The following MTOR variants were observed in gnomAD, a reference collection of about 807,000 sequenced individuals.
MTOR encodes the protein mechanistic target of rapamycin kinase.
A neutral mutation model predicts 319.8 loss-of-function variants in MTOR; 70 were observed. That is an observed-to-expected ratio of 0.22 (90% CI 0.18 to 0.27). The LOEUF (loss-of-function observed/expected upper bound fraction) is 0.27. MTOR is among the 10% of genes least tolerant of loss of function. The probability of loss-of-function intolerance (pLI) is 1.00; values close to 1 mark genes in which losing one functional copy is unlikely to be tolerated. For missense variants in MTOR, 1,890 were observed against 3,274.4 expected, an observed-to-expected ratio of 0.58 and a Z score of 10.32; for synonymous variants, 1,183 against 1,211.4, an observed-to-expected ratio of 0.98 and a Z score of 0.49.
At chr1:11,144,619 G>T (rs752432306) in intron 34 of MTOR, 29 bp downstream of exon 34, 1 of 1,605,168 alleles carries the variant, frequency 6.2e-7, no homozygotes, top group South Asian at 1.1e-5. Flanking sequence ...GGGGTAGGTG[G>T]GTGAACTGGG....
At chr1:11,215,779 AAC>A (rs1174058915) in intron 20 of MTOR, among the ~76,000 whole-genome samples, 1 of 152,182 alleles carries the variant, frequency 6.6e-6, no homozygotes, top group Non-Finnish European at 1.5e-5. Context: ...GCCCTAAGAA[AAC>A]CCAATCCCTT....
At chr1:11,257,208 C>T (rs1383489037) in intron 3 of MTOR, 43 bp from the exon 4 acceptor site, 1 of 1,534,490 alleles carries the variant, frequency 6.5e-7, no homozygotes. Flanking sequence ...GGGGCGTATG[C>T]TGGCCAGGAA....
At chr1:11,260,790 ATTT>A (rs34219246) in intron 1 of MTOR, among the ~76,000 whole-genome samples, 6 of 134,810 alleles carry the variant, frequency 4.5e-5, no homozygotes, top group Admixed American at 1.5e-4. Flanking sequence ...TGGACTAGTC[ATTT>A]TTTTTTTTTT....
intron 19 of MTOR, among the ~76,000 whole-genome samples, chr1:11,221,740 C>CTA (rs879459539): frequency 6.9e-6 from 1 of 145,494 alleles, no homozygotes; most frequent in African/African-American, 2.6e-5. Context: ...TATATATATT[C>CTA]TATATATATA....
chr1:11,242,153 C>G (rs1216833861), intron 9 of MTOR, among the ~76,000 whole-genome samples: 8 of 152,104 alleles, frequency 5.3e-5, no homozygotes, highest in South Asian at 2.1e-4. Flanking sequence ...CACCTGAGGT[C>G]AGGAGTTCGA....
At chr1:11,241,739 C>G (rs1264277156) in intron 9 of MTOR, 58 bp from the exon 10 acceptor site, 1 of 1,568,588 alleles carries the variant, frequency 6.4e-7, no homozygotes, top group African/African-American at 1.3e-5. Flanking sequence ...AATGTCCCAC[C>G]TCAAAATCAC....
At chr1:11,233,228 T>C in intron 15 of MTOR, 170 bp downstream of exon 15, 3 of 817,918 alleles carry the variant, frequency 3.7e-6, no homozygotes, top group Non-Finnish European at 6.0e-6. Flanking sequence ...CATGTTTTAT[T>C]GAGAATATAT....
chr1:11,214,620 G>C (rs1006960882), intron 20 of MTOR, among the ~76,000 whole-genome samples: 1 of 152,150 alleles, frequency 6.6e-6, no homozygotes, highest in Non-Finnish European at 1.5e-5. Context: ...TTTATAAAAA[G>C]ATATAGTATT....
At chr1:11,213,699 C>T (rs1228486741) in intron 20 of MTOR, 133 bp from the exon 21 acceptor site, 1 of 775,300 alleles carries the variant, frequency 1.3e-6, no homozygotes, top group Admixed American at 2.6e-5. Flanking sequence ...CCTCACTCCC[C>T]TCCTCCCACT....
In MTOR at chr1:11,133,492, T is replaced by C. The variant is rs1643259437; in HGVS notation, c.5247-295A>G. ...ACTTACCTACCCCAAACCCAATTTT[T>C]TGTGGGTGACAGTTGAGAGTTACTT... On this transcript the variant is annotated intron_variant, in intron 37 of 57. Coordinates refer to ENST00000361445, the MANE Select transcript of MTOR (RefSeq NM_004958.4). The surrounding 1 kb of genome is among the most constrained non-coding windows in gnomAD (Gnocchi z 4.0). 1.3e-4 allele frequency among the ~76,000 whole-genome samples: 1 copy of C among 7,934 alleles called. No individual in the cohort carries two copies. Among genetic ancestry groups the C allele is most frequent in the Non-Finnish European group, 3.2e-4 (1 of 3,108 alleles). The allele number at this position is 7,934 out of a possible 152,430, so 5.2% of individuals were successfully genotyped here.
In MTOR at chr1:11,230,956, G is replaced by A. The variant is rs962362163; in HGVS notation, c.2748C>T (p.Ser916=). 1.1e-5 allele frequency: 18 copies of A among 1,613,954 alleles called. No homozygotes were observed. Among genetic ancestry groups the A allele is most frequent in the Non-Finnish European group, 1.5e-5 (18 of 1,180,028 alleles). Residue 916 remains serine (S), a synonymous_variant, in exon 18 of 58, where the codon AGC becomes AGT. Transcript: ENST00000361445. ...IDQSRDASAV[S]LSESKSSQDS... is the part of the protein sequence containing the mutation. ...CCTGACTTGACTTGGATTCTGACAG[G>A]CTGACAGCAGAGGCATCCCGGGACT...
chr1:11,130,398 A>G, intron 39 of MTOR, 131 bp downstream of exon 39: 1 of 1,384,716 alleles, frequency 7.2e-7, no homozygotes, highest in Non-Finnish European at 9.8e-7. Context: ...GATGGTAGAT[A>G]GGCAGTATTT....
chr1:11,204,831 A>G (rs546604076), intron 25 of MTOR, 128 bp from the exon 26 acceptor site: 2 of 1,103,688 alleles, frequency 1.8e-6, no homozygotes, highest in South Asian at 3.3e-5. Flanking sequence ...AAATTCCCCT[A>G]GAGTACAAAT....
Position 11,257,013 on chromosome 1 carries a change from C to T in MTOR, c.424G>A (p.Ala142Thr), listed in dbSNP as rs766996808. Residue 142 changes from alanine (A) to threonine (T), a missense_variant, in exon 4 of 58, where the codon GCT (alanine) becomes ACT (threonine). Transcript: ENST00000361445. ...TTCACCTCAAATTCCACGTACTCAG[C>T]GGTAAAAGTGTCCCCTGCCATGGCA... ...RLAMAGDTFT[A>T]EYVEFEVKRA... The T allele has an allele frequency of 1.2e-6, 2 of 1,614,064 alleles. No individual in the cohort carries two copies. Among genetic ancestry groups the T allele is most frequent in the Non-Finnish European group, 1.7e-6 (2 of 1,179,992 alleles).
At chr1:11,184,604 G>A (rs1352065035) in intron 28 of MTOR, among the ~76,000 whole-genome samples, 1 of 152,046 alleles carries the variant, frequency 6.6e-6, no homozygotes, top group African/African-American at 2.4e-5. Flanking sequence ...GTTGGTGTGC[G>A]CTTGTATTCC....
At chr1:11,247,420 T>C (rs1441905422) in intron 8 of MTOR, among the ~76,000 whole-genome samples, 1 of 152,226 alleles carries the variant, frequency 6.6e-6, no homozygotes, top group Admixed American at 6.5e-5. Flanking sequence ...GGCCATAGAA[T>C]TGCCTCTCTG....
At chr1:11,217,970 T>C (rs932041526) in intron 19 of MTOR, among the ~76,000 whole-genome samples, 2 of 152,150 alleles carry the variant, frequency 1.3e-5, no homozygotes, top group African/African-American at 2.4e-5. Flanking sequence ...TATTCCCTAA[T>C]GATAACTTTG....
intron 25 of MTOR, among the ~76,000 whole-genome samples, chr1:11,207,255 C>T (rs1646164953): frequency 6.6e-6 from 1 of 152,028 alleles, no homozygotes; most frequent in African/African-American, 2.4e-5. Context: ...GCATGCACCA[C>T]CATGTCCAGC....
At chr1:11,236,509 GTTTTTTTTTTTTT>G (rs1182732565) in intron 13 of MTOR, among the ~76,000 whole-genome samples, 3 of 124,014 alleles carry the variant, frequency 2.4e-5, no homozygotes, top group Non-Finnish European at 5.2e-5. Context: ...GTGATTTCAC[GTTTTTTTTTTTTT>G]TTTTGAGACA....
Sources: gnomAD v4.1 joint callset for allele counts (sites outside exome capture counted in the v4.1 genomes callset) on GRCh38, gnomAD v4.1.1 for gene constraint, Gnocchi (gnomAD v3.1) non-coding constraint, MANE v1.5 for transcripts, NCBI Gene and HGNC (gene_info 2026-07-23, HGNC 2026-07-21) for gene names.